The following ZNF622 variants were observed in gnomAD, a reference collection of about 807,000 sequenced individuals.
ZNF622 encodes zinc finger protein 622.
ZNF622 carries 34 observed loss-of-function variants against 49.7 expected under a neutral mutation model. The observed-to-expected ratio is 0.68, with a 90% CI of 0.52 to 0.91. ZNF622 has a LOEUF of 0.91. ZNF622 is among the 40% of genes least tolerant of loss of function. The probability of loss-of-function intolerance (pLI) is 0.00; values close to 1 mark genes in which losing one functional copy is unlikely to be tolerated. For synonymous variants in ZNF622, 209 were observed against 228.7 expected (o/e 0.91, Z 0.78); for missense variants, 569 against 616.4 (o/e 0.92, Z 0.81).
In ZNF622 at chr5:16,453,047, C is replaced by A. The variant is rs771969522; in HGVS notation, c.1272G>T (p.Gln424His). The change falls in exon 5 of 6, where the codon CAG becomes CAT. Residue 424 changes from glutamine (Q) to histidine (H), a missense_variant. Physicochemically the swap from Gln to His is conservative, Grantham distance 24. Coordinates refer to ENST00000308683, the MANE Select transcript of ZNF622 (RefSeq NM_033414.3). Reference protein sequence around the residue: ...KNRKAVGRVLQQYRALGWTGS... With the variant: ...KNRKAVGRVLHQYRALGWTGS... ...CAGTCCATCCCAGGGCTCTGTACTGCTGAAGTACTCGGCCCACGGCCTTCC... is the reference window on the plus strand; with the variant it reads ...CAGTCCATCCCAGGGCTCTGTACTGATGAAGTACTCGGCCCACGGCCTTCC... 4 of 1,573,874 alleles carry A rather than the reference C, an allele frequency of 2.5e-6. No individual in the cohort carries two copies. The South Asian group carries it at 3.5e-5, about 14-fold the overall frequency.
intron 3 of ZNF622, among the ~76,000 whole-genome samples, chr5:16,460,831 G>T (rs1449952326): frequency 6.6e-6 from 1 of 152,068 alleles, no homozygotes; most frequent in Non-Finnish European, 1.5e-5. Context: ...ACATCATCTG[G>T]ACTAAGGGAG....
intron 3 of ZNF622, among the ~76,000 whole-genome samples, chr5:16,460,430 A>AT (rs1290505314): frequency 3.3e-5 from 5 of 152,188 alleles, no homozygotes; most frequent in African/African-American, 9.7e-5. Flanking sequence ...GTAATTTGTC[A>AT]TTTTTTAGCT....
At chr5:16,462,831 T>C (rs1454117680) in intron 3 of ZNF622, among the ~76,000 whole-genome samples, 1 of 152,028 alleles carries the variant, frequency 6.6e-6, no homozygotes, top group Admixed American at 6.5e-5. Flanking sequence ...GTTCAAGGGG[T>C]AACTGGCAAA....
Position 16,453,018 on chromosome 5 carries a change from C to A in ZNF622, c.1301G>T (p.Ser434Ile). 1 of 1,467,396 alleles carries A rather than the reference C, an allele frequency of 6.8e-7. No homozygotes were observed. Among genetic ancestry groups the A allele is most frequent in the Non-Finnish European group, 9.1e-7 (1 of 1,099,144 alleles). 90.9% of individuals were successfully genotyped at this position (1,467,396 alleles called of 1,614,324 possible). A position where few individuals can be genotyped will look rare whatever the true frequency, so the allele number is the denominator to read the frequency against. ...AGTTGTAAAGATCAATGTACCTGTG[C>A]TGCCAGTCCATCCCAGGGCTCTGTA... is the stretch of plus-strand genomic sequence containing the variant. ...QQYRALGWTG[S>I]TGAALMRERD... Residue 434 changes from serine (S) to isoleucine (I), a missense_variant, in exon 5 of 6, where the codon AGC (serine) becomes ATC (isoleucine). By Grantham distance (142) the Ser-to-Ile change is moderately radical. Coordinates refer to ENST00000308683, the MANE Select transcript of ZNF622 (RefSeq NM_033414.3).
chr5:16,465,225 C>G lies in ZNF622; in HGVS notation c.441G>C (p.Ala147=). 6.2e-7 allele frequency: 1 copy of G among 1,614,172 alleles called. No homozygotes were observed. The highest frequency in any genetic ancestry group is 8.5e-7 in the Non-Finnish European group (1 of 1,180,030). The part of the protein sequence containing the change: ...KAQPSMSPKK[A]PPAPAKEARN... ...TGGCCTCCTTTGCAGGCGCTGGGGG[C>G]GCCTTCTTGGGAGACATGGACGGCT... Residue 147 remains alanine, a synonymous_variant, in exon 1 of 6, where the codon GCG becomes GCC. Transcript: ENST00000308683. This position sits in a 1 kb window ranked among gnomAD's most constrained non-coding sequence, Gnocchi z 6.2.
rs923994586 is a variant in ZNF622, at chr5:16,454,056, A to G, written c.1163-900T>C. On this transcript the variant is annotated intron_variant, in intron 4 of 5. Transcript: ENST00000308683. ...TATGTGAGTCAATCATGCTTTCAGA[A>G]ATGAATTTCTAAATTTAATTTTCAA... Among the ~76,000 whole-genome samples the G allele has an allele frequency of 4.6e-5, 7 of 152,222 alleles. No homozygotes were observed. In the South Asian group the frequency reaches 6.2e-4, roughly 13 times the overall value.
chr5:16,452,397 A>G (rs749557302), intron 5 of ZNF622, among the ~76,000 whole-genome samples: 4 of 152,210 alleles, frequency 2.6e-5, no homozygotes, highest in Non-Finnish European at 5.9e-5. Context: ...TCAAAACTCA[A>G]CAATTGCAGT....
At chr5:16,461,247 C>T (rs1738117533) in intron 3 of ZNF622, among the ~76,000 whole-genome samples, 1 of 152,270 alleles carries the variant, frequency 6.6e-6, no homozygotes, top group African/African-American at 2.4e-5. Context: ...TACAAAACCA[C>T]AGAACCACAG....
At chr5:16,454,708 T>C (rs1243946914) in intron 4 of ZNF622, among the ~76,000 whole-genome samples, 1 of 152,156 alleles carries the variant, frequency 6.6e-6, no homozygotes, top group African/African-American at 2.4e-5. Flanking sequence ...TTGGTTTGTT[T>C]TACTGCCACA....
At chr5:16,459,619 C>A (rs1738090995) in intron 3 of ZNF622, among the ~76,000 whole-genome samples, 1 of 152,046 alleles carries the variant, frequency 6.6e-6, no homozygotes, top group African/African-American at 2.4e-5. Flanking sequence ...TTGTAATAGC[C>A]CCAAATTAGA....
chr5:16,455,635 A>G (rs2126490802), intron 4 of ZNF622, among the ~76,000 whole-genome samples: 1 of 152,320 alleles, frequency 6.6e-6, no homozygotes, highest in Middle Eastern at 3.4e-3. Flanking sequence ...AAATTCCAGC[A>G]TTGTTCACTG....
intron 4 of ZNF622, 54 bp from the exon 5 acceptor site, chr5:16,453,210 C>T (rs1467643301): frequency 7.3e-7 from 1 of 1,367,994 alleles, no homozygotes; most frequent in African/African-American, 1.5e-5. Context: ...TTTTTCAAGG[C>T]AGAGCTATAA....
intron 4 of ZNF622, among the ~76,000 whole-genome samples, chr5:16,453,571 A>AAAAATAAAAAT (rs1302444292): frequency 4.6e-5 from 2 of 43,884 alleles, no homozygotes; most frequent in African/African-American, 2.2e-4. Flanking sequence ...ATATATATAT[A>AAAAATAAAAAT]TATATATATA....
At chr5:16,454,059 G>A (rs1737981726) in intron 4 of ZNF622, among the ~76,000 whole-genome samples, 1 of 152,072 alleles carries the variant, frequency 6.6e-6, no homozygotes, top group African/African-American at 2.4e-5. Flanking sequence ...TTTCAGAAAT[G>A]AATTTCTAAA....
At position 16,465,752 on chromosome 5, in the gene ZNF622, T is replaced by C; in HGVS notation, c.-87A>G. ...CAAGACCCTCAGACCTTAACCCGCCTCAGCAGCCAGGAAGAGCCACTCGAC... is the reference window on the plus strand; with the variant it reads ...CAAGACCCTCAGACCTTAACCCGCCCCAGCAGCCAGGAAGAGCCACTCGAC... On this transcript the variant is annotated 5_prime_UTR_variant, in exon 1 of 6. Coordinates refer to ENST00000308683, the MANE Select transcript of ZNF622 (RefSeq NM_033414.3). This position sits in a 1 kb window ranked among gnomAD's most constrained non-coding sequence, Gnocchi z 6.2. The C allele has an allele frequency of 6.7e-7, 1 of 1,496,934 alleles. No homozygotes were observed. The highest frequency in any genetic ancestry group is 2.3e-5 in the Admixed American group (1 of 42,828). The allele number at this position is 1,496,934 out of a possible 1,614,324, so 92.7% of individuals were successfully genotyped here.
In ZNF622 at chr5:16,463,491, T is replaced by C; in HGVS notation, c.877A>G (p.Lys293Glu). The change falls in exon 2 of 6, where the codon AAA (lysine) becomes GAA (glutamate). Residue 293 changes from lysine (K) to glutamate (E), a missense_variant. Coordinates refer to ENST00000308683, the MANE Select transcript of ZNF622 (RefSeq NM_033414.3). This position sits in a 1 kb window ranked among gnomAD's most constrained non-coding sequence, Gnocchi z 4.2. ...EYLSDIKGLIKYLGEKVGVGK... is the reference protein window; with the variant it reads ...EYLSDIKGLIEYLGEKVGVGK... Reference sequence around the variant, plus strand: ...AAACTATTGTACTTACCCAAGTATTTAATCAGTCCCTTAATATCTGAAAGA... The same window carrying C: ...AAACTATTGTACTTACCCAAGTATTCAATCAGTCCCTTAATATCTGAAAGA... 4 of 1,612,444 alleles carry C rather than the reference T, an allele frequency of 2.5e-6. No individual in the cohort carries two copies. The highest frequency in any genetic ancestry group is 3.4e-6 in the Non-Finnish European group (4 of 1,178,694).
chr5:16,462,596 G>A (rs1354982498), intron 3 of ZNF622, among the ~76,000 whole-genome samples: 4 of 152,174 alleles, frequency 2.6e-5, no homozygotes, highest in Non-Finnish European at 5.9e-5. Flanking sequence ...TGAGGCTGCA[G>A]TAGGCCATGA....
At position 16,463,897 on chromosome 5, in the gene ZNF622, T is replaced by C. The variant is rs1054557852; in HGVS notation, c.626-155A>G. ...CCTCTTTCAAGATCTCAATTTTAGC[T>C]ATTTGTTTACCACAGACTCATCTGA... On this transcript the variant is annotated intron_variant, in intron 1 of 5. Coordinates refer to ENST00000308683, the MANE Select transcript of ZNF622 (RefSeq NM_033414.3). The surrounding 1 kb of genome is among the most constrained non-coding windows in gnomAD (Gnocchi z 4.2). Among the ~76,000 whole-genome samples, 4 of 152,234 alleles carry C rather than the reference T, an allele frequency of 2.6e-5. No homozygotes were observed. The highest frequency in any genetic ancestry group is 9.6e-5 in the African/African-American group (4 of 41,464).
chr5:16,452,182 G>A (rs1344538791), intron 5 of ZNF622, among the ~76,000 whole-genome samples: 1 of 152,032 alleles, frequency 6.6e-6, no homozygotes, highest in Non-Finnish European at 1.5e-5. Flanking sequence ...CAGCCACAGT[G>A]AAGGAAACCA....
Sources: allele counts gnomAD v4.1 joint callset (sites outside exome capture counted in the v4.1 genomes callset), GRCh38; gene constraint gnomAD v4.1.1; non-coding constraint Gnocchi (gnomAD v3.1); transcripts MANE v1.5; gene names NCBI Gene and HGNC (gene_info 2026-07-23, HGNC 2026-07-21).